UMOD: variants seen among roughly 807,000 people sequenced by gnomAD.
UMOD encodes the protein uromodulin.
In UMOD, 64 loss-of-function variants were observed where a neutral mutation model predicts 66.0. The observed-to-expected ratio is 0.97, with a 90% CI of 0.79 to 1.19. The LOEUF is 1.19. Among genes scored for constraint, UMOD ranks in the 50% most tolerant of loss-of-function variants. The pLI is 0.00. For synonymous variants in UMOD, 398 were observed against 352.7 expected, an observed-to-expected ratio of 1.13 and a Z score of -1.44; for missense variants, 764 against 850.9, an observed-to-expected ratio of 0.90 and a Z score of 1.27.
intron 2 of UMOD, among the ~76,000 whole-genome samples, 155 bp from the exon 3 acceptor site, chr16:20,349,367 C>T (rs148214499): frequency 2.0e-5 from 3 of 152,352 alleles, no homozygotes; most frequent in African/African-American, 7.2e-5. Flanking sequence ...AAACAAAACT[C>T]CTCTGATGAT....
At chr16:20,351,118 T>C (rs1596567077) in intron 1 of UMOD, 1 of 311,616 alleles carries the variant, frequency 3.2e-6, no homozygotes, top group Admixed American at 4.5e-5. Flanking sequence ...TGGAATAGTG[T>C]TCTGGACTCA....
chr16:20,344,857 A>G (rs531625642), intron 5 of UMOD, among the ~76,000 whole-genome samples: 17 of 152,306 alleles, frequency 1.1e-4, no homozygotes, highest in African/African-American at 4.1e-4. Context: ...TCATAGTAAC[A>G]GAGTCACTGA....
rs761044693 is a variant in UMOD, at chr16:20,350,675, A to G, written c.63T>C (p.Thr21=). The change falls in exon 2 of 11, where the codon ACT becomes ACC. Residue 21 remains threonine (T), a synonymous_variant. Coordinates refer to ENST00000396138, the MANE Select transcript of UMOD (RefSeq NM_003361.4). ...TTGCTTCTGAGGTGTCAGTGGCTGCAGTTGTGATGAACCAAGAGGCCACCA... is the reference window on the plus strand; with the variant it reads ...TTGCTTCTGAGGTGTCAGTGGCTGCGGTTGTGATGAACCAAGAGGCCACCA... ...MVVVASWFIT[T]AATDTSEARW... is the part of the protein sequence containing the mutation. The G allele has an allele frequency of 6.2e-7, 1 of 1,614,164 alleles. No individual in the cohort carries two copies.
chr16:20,346,883 GAGAAAGAAAGAAAGAA>G (rs147502738), intron 4 of UMOD, among the ~76,000 whole-genome samples: 68,105 of 151,220 alleles, frequency 0.45, 18,910 homozygotes, highest in Non-Finnish European at 0.64. Flanking sequence ...AAAAGAAAGA[GAGAAAGAAAGAAAGAA>G]AGAAAGAAAG....
chr16:20,340,940 G>C (rs548398459), intron 7 of UMOD, 151 bp downstream of exon 7: 43 of 843,382 alleles, frequency 5.1e-5, no homozygotes, highest in Admixed American at 3.6e-4. Flanking sequence ...GTTGCAGTGA[G>C]CCGAGGTCAC....
At chr16:20,334,949 C>T (rs1329639191) in intron 10 of UMOD, among the ~76,000 whole-genome samples, 1 of 151,740 alleles carries the variant, frequency 6.6e-6, no homozygotes, top group Non-Finnish European at 1.5e-5. Flanking sequence ...TCTCCTGCCT[C>T]AGCCTCCCAA....
intron 5 of UMOD, 85 bp downstream of exon 5, chr16:20,346,041 C>T (rs1243341847): frequency 1.5e-6 from 2 of 1,369,690 alleles, no homozygotes; most frequent in African/African-American, 2.9e-5. Flanking sequence ...AATAACTCCC[C>T]AAAGCTTCTA....
upstream of UMOD, among the ~76,000 whole-genome samples, chr16:20,354,976 C>T (rs904015456): frequency 2.6e-5 from 4 of 152,330 alleles, no homozygotes; most frequent in Admixed American, 2.6e-4. Flanking sequence ...CTAGAGACAA[C>T]TCCTATGGCC....
intron 1 of UMOD, chr16:20,351,281 C>A: frequency 5.3e-6 from 1 of 189,602 alleles, no homozygotes; most frequent in Non-Finnish European, 1.1e-5. Context: ...ATGAACATGG[C>A]AGTCTGCTCC....
Position 20,348,531 on chromosome 16 carries a change from A to T in UMOD, c.770T>A (p.Leu257Gln). 6.2e-7 allele frequency: 1 copy of T among 1,605,050 alleles called. No individual in the cohort carries two copies. The change falls in exon 3 of 11, where the codon CTG becomes CAG. Residue 257 changes from leucine (L) to glutamine (Q), a missense_variant. Coordinates refer to ENST00000396138, the MANE Select transcript of UMOD (RefSeq NM_003361.4). ...CTTCACCTGGACGGACGCATCCCAC[A>T]GGCAGCAGTGGCCGCTCCAGTGCGC... ...ACAHWSGHCCLWDASVQVKAC... is the reference protein window; with the variant it reads ...ACAHWSGHCCQWDASVQVKAC...
chr16:20,346,207 C>G lies in UMOD; in HGVS notation c.1101G>C (p.Ser367=), dbSNP rs528844779. ...VFMYLSDSRC[S]GFNDRDNRDW... ...CCCGGTTGTCTCTGTCATTGAAGCC[C>G]GAGCACCGGCTGTCACTCAGGTACA... The change falls in exon 5 of 11, where the codon TCG becomes TCC. Residue 367 remains serine (S), a synonymous_variant. Coordinates refer to ENST00000396138, the MANE Select transcript of UMOD (RefSeq NM_003361.4). 8 of 1,614,236 alleles carry G rather than the reference C, an allele frequency of 5.0e-6. No homozygotes were observed. Among genetic ancestry groups the G allele is most frequent in the South Asian group, 2.2e-5 (2 of 91,078 alleles).
At chr16:20,344,645 C>T (rs1246488360) in intron 5 of UMOD, among the ~76,000 whole-genome samples, 1 of 150,300 alleles carries the variant, frequency 6.7e-6, no homozygotes, top group African/African-American at 2.4e-5. Context: ...ACTCCCTGTG[C>T]AGCCTGAACA....
rs1375254469 is a variant in UMOD, at chr16:20,345,488, C to T, written c.1182+638G>A. Among the ~76,000 whole-genome samples the T allele has an allele frequency of 2.0e-4, 11 of 56,092 alleles. 1 individual carries two copies. In the South Asian group the frequency reaches 3.5e-3, roughly 18 times the overall value. 36.8% of individuals were successfully genotyped at this position (56,092 alleles called of 152,430 possible). On this transcript the variant is annotated intron_variant, in intron 5 of 10. Coordinates refer to ENST00000396138, the MANE Select transcript of UMOD (RefSeq NM_003361.4). ...CTTCCTTCCTTCCTTCCTTCCCTCC[C>T]TCCCTCCCTCCCTCCCTTCCTTCCT...
At chr16:20,343,870 T>G (rs1435231093) in intron 6 of UMOD, among the ~76,000 whole-genome samples, 154 bp downstream of exon 6, 4 of 152,190 alleles carry the variant, frequency 2.6e-5, no homozygotes, top group African/African-American at 9.6e-5. Context: ...GATTTGAACC[T>G]GGGCTCCAGA....
chr16:20,336,691 T>C lies in UMOD; in HGVS notation c.1777A>G (p.Ile593Val). The C allele has an allele frequency of 6.2e-7, 1 of 1,614,116 alleles. No individual in the cohort carries two copies. Among genetic ancestry groups the C allele is most frequent in the Middle Eastern group, 1.7e-4 (1 of 6,060 alleles). ...AAGTTCAGGACACGGGATTGATCTA[T>C]GACACTCCCACTTCGGAATCTGGTC... is the stretch of plus-strand genomic sequence containing the variant. ...SGTRFRSGSV[I>V]DQSRVLNLGP... The change falls in exon 9 of 11, where the codon ATA (isoleucine) becomes GTA (valine). Residue 593 changes from isoleucine to valine, a missense_variant. Transcript: ENST00000396138.
At position 20,340,984 on chromosome 16, in the gene UMOD, A is replaced by G. The variant is rs1965176435; in HGVS notation, c.1577+107T>C. 6 of 1,275,282 alleles carry G rather than the reference A, an allele frequency of 4.7e-6. No individual in the cohort carries two copies. In the East Asian group the frequency reaches 1.5e-4, roughly 32 times the overall value. 79.0% of individuals were successfully genotyped at this position (1,275,282 alleles called of 1,614,324 possible). ...ACTCCAACCTTGGCGACAGAGCAAG[A>G]CTCTGTCAAAAAAAAAAAAAAAAAA... is the stretch of plus-strand genomic sequence containing the variant. On this transcript the variant is annotated intron_variant, in intron 7 of 10. Coordinates refer to ENST00000396138, the MANE Select transcript of UMOD (RefSeq NM_003361.4).
At position 20,341,344 on chromosome 16, in the gene UMOD, G is replaced by A. The variant is rs1312771337; in HGVS notation, c.1332-8C>T. 6.2e-7 allele frequency: 1 copy of A among 1,613,100 alleles called. No individual in the cohort carries two copies. Among genetic ancestry groups the A allele is most frequent in the Non-Finnish European group, 8.5e-7 (1 of 1,180,016 alleles). On this transcript the variant is annotated splice_polypyrimidine_tract_variant and splice_region_variant and intron_variant, in intron 6 of 10. Coordinates refer to ENST00000396138, the MANE Select transcript of UMOD (RefSeq NM_003361.4). ...ACTCTGATGTTTAGAGCACTGCCAG[G>A]GGAGAAGGGTTGGTGAGAGGACCGG...
rs751246505 is a variant in UMOD, at chr16:20,337,348, T to C, written c.1683A>G (p.Leu561=). ...QMFRFAGNYD[L]VYLHCEVYLC... ...GATAGACTTCACAGTGCAGGTAGAC[T>C]AGGTCATAGTTTCCAGCAAACCGGA... The change falls in exon 8 of 11, where the codon CTA becomes CTG. Residue 561 remains leucine, a synonymous_variant. Transcript: ENST00000396138. 3.1e-6 allele frequency: 5 copies of C among 1,614,208 alleles called. No individual in the cohort carries two copies. Among genetic ancestry groups the C allele is most frequent in the Admixed American group, 1.7e-5 (1 of 60,024 alleles).
intron 8 of UMOD, 21 bp downstream of exon 8, chr16:20,337,270 G>C: frequency 1.2e-6 from 2 of 1,613,890 alleles, no homozygotes; most frequent in Non-Finnish European, 1.7e-6. Context: ...GAGATGGGCT[G>C]GGGGAGGGGA....
Sources: allele counts gnomAD v4.1 joint callset (sites outside exome capture counted in the v4.1 genomes callset), GRCh38; gene constraint gnomAD v4.1.1; transcripts MANE v1.5; gene names NCBI Gene and HGNC (gene_info 2026-07-23, HGNC 2026-07-21).